Variants in SLC5A11 observed in about 807,000 individuals in gnomAD.
SLC5A11 encodes the protein sodium/myo-inositol cotransporter 2.
A neutral mutation model predicts 69.8 loss-of-function variants in SLC5A11; 48 were observed. The ratio of observed to expected loss-of-function variants is 0.69; its 90% confidence interval spans 0.55 to 0.87. The LOEUF (loss-of-function observed/expected upper bound fraction) is 0.87. SLC5A11 is among the 40% of genes least tolerant of loss of function. SLC5A11 has a pLI of 0.00. For missense variants in SLC5A11, 784 were observed against 866.1 expected, an observed-to-expected ratio of 0.91 and a Z score of 1.19; for synonymous variants, 319 against 342.4, an observed-to-expected ratio of 0.93 and a Z score of 0.75.
chr16:24,858,849 C>A, intron 2 of SLC5A11, 71 bp downstream of exon 3: 1 of 1,516,378 alleles, frequency 6.6e-7, no homozygotes, highest in Admixed American at 2.0e-5. Context: ...CGGAGTTAAC[C>A]TCATCCTTTT....
chr16:24,876,942 TTGAG>T (rs1330756911), intron 6 of SLC5A11: 2 of 330,544 alleles, frequency 6.1e-6, no homozygotes, highest in Non-Finnish European at 8.6e-6. Flanking sequence ...ACTTAAGAGT[TTGAG>T]TGGGGAGGAG....
chr16:24,860,197 G>A (rs947211108), intron 2 of SLC5A11, among the ~76,000 whole-genome samples: 6 of 152,202 alleles, frequency 3.9e-5, no homozygotes, highest in African/African-American at 1.4e-4. Flanking sequence ...TGAGGCAGGA[G>A]AATGGCATGA....
chr16:24,909,500 C>T (rs1166646873), intron 14 of SLC5A11, among the ~76,000 whole-genome samples: 4 of 151,488 alleles, frequency 2.6e-5, no homozygotes, highest in African/African-American at 7.3e-5. Flanking sequence ...ATTAGCAGGG[C>T]GTGATGGCTC....
chr16:24,863,878 A>G (rs1362208822), intron 3 of SLC5A11, among the ~76,000 whole-genome samples: 1 of 151,798 alleles, frequency 6.6e-6, no homozygotes, highest in East Asian at 1.9e-4. Flanking sequence ...CTCTTTCAAA[A>G]CTCCATTCTC....
At chr16:24,908,202 G>A (rs1218606643) in intron 13 of SLC5A11, 71 bp downstream of exon 14, 2 of 1,474,010 alleles carry the variant, frequency 1.4e-6, no homozygotes, top group Non-Finnish European at 1.8e-6. Flanking sequence ...GGATGGGAGG[G>A]GAGGGTGTTG....
At chr16:24,864,178 C>T (rs1050306275) in intron 3 of SLC5A11, among the ~76,000 whole-genome samples, 2 of 152,136 alleles carry the variant, frequency 1.3e-5, no homozygotes, top group African/African-American at 4.8e-5. Flanking sequence ...AGGCCATGTG[C>T]ATAGGCCCAC....
chr16:24,898,818 T>A (rs778437981), intron 10 of SLC5A11, among the ~76,000 whole-genome samples: 5 of 145,364 alleles, frequency 3.4e-5, no homozygotes, highest in Non-Finnish European at 7.6e-5. Context: ...ATGCCTGGCC[T>A]TTTTTGCATT....
At chr16:24,877,321 A>T in exon 7 of SLC5A11, 2 of 1,614,072 alleles carry the variant, frequency 1.2e-6, no homozygotes, top group Non-Finnish European at 1.7e-6. Context: ...GTACCTGGCC[A>T]TAGTTGGGCT....
chr16:24,887,826 A>G (rs929528092), intron 8 of SLC5A11, among the ~76,000 whole-genome samples: 1 of 152,174 alleles, frequency 6.6e-6, no homozygotes, highest in African/African-American at 2.4e-5. Context: ...CAAGTGGCAC[A>G]TATAAAACAA....
chr16:24,883,745 T>C (rs574950702), intron 7 of SLC5A11, among the ~76,000 whole-genome samples: 1 of 152,348 alleles, frequency 6.6e-6, no homozygotes, highest in East Asian at 1.9e-4. Context: ...GGAGAGTAAG[T>C]GCAGAAGCTG....
At chr16:24,906,762 C>T (rs767048981) in exon 11 of SLC5A11, 1 of 1,610,060 alleles carries the variant, frequency 6.2e-7, no homozygotes, top group Admixed American at 1.7e-5. Flanking sequence ...CTCCTGCCCA[C>T]AGGTAATGTC....
intron 8 of SLC5A11, among the ~76,000 whole-genome samples, chr16:24,884,621 C>T (rs2048281339): frequency 1.4e-5 from 2 of 139,648 alleles, no homozygotes; most frequent in African/African-American, 2.7e-5. Context: ...CAAGCTGCCC[C>T]ACCTGGCACT....
chr16:24,901,441 C>G (rs1048232716), intron 10 of SLC5A11, among the ~76,000 whole-genome samples: 2 of 151,750 alleles, frequency 1.3e-5, no homozygotes, highest in Non-Finnish European at 2.9e-5. Context: ...GTGATGAAAC[C>G]TCGTATCTAC....
chr16:24,884,021 T>C (rs1250494125), intron 7 of SLC5A11, 30 bp from the exon 9 acceptor site: 3 of 1,609,230 alleles, frequency 1.9e-6, no homozygotes, highest in African/African-American at 1.3e-5. Context: ...TTAGACTCCC[T>C]GACCCTCACC....
intron 1 of SLC5A11, among the ~76,000 whole-genome samples, chr16:24,851,209 C>G (rs1052575155): frequency 2.6e-5 from 4 of 152,080 alleles, no homozygotes; most frequent in Admixed American, 1.3e-4. Context: ...TAGCTCAATG[C>G]AGTCTCAAAC....
intron 3 of SLC5A11, among the ~76,000 whole-genome samples, chr16:24,866,230 C>G (rs1405122603): frequency 6.6e-6 from 1 of 150,738 alleles, no homozygotes; most frequent in African/African-American, 2.4e-5. Context: ...ACACTCCAAT[C>G]AAAAGGCAGA....
chr16:24,848,626 G>T (rs749917441), intron 1 of SLC5A11, among the ~76,000 whole-genome samples: 2 of 152,070 alleles, frequency 1.3e-5, no homozygotes, highest in Admixed American at 6.6e-5. Flanking sequence ...TAAAAAATTA[G>T]CTAGGCATGT....
intron 3 of SLC5A11, among the ~76,000 whole-genome samples, chr16:24,867,855 G>A (rs2047010540): frequency 6.6e-6 from 1 of 152,090 alleles, no homozygotes. Context: ...AGTAAAGACA[G>A]GCCAAGCACA....
chr16:24,846,658 G>A (rs1412614143), intron 1 of SLC5A11: 1 of 152,600 alleles, frequency 6.6e-6, no homozygotes, highest in African/African-American at 2.4e-5. Flanking sequence ...AGCACCGTAC[G>A]TGGGTCCCAG....
Sources: gnomAD v4.1 joint callset for allele counts (sites outside exome capture counted in the v4.1 genomes callset) on GRCh38, gnomAD v4.1.1 for gene constraint, MANE v1.5 for transcripts, NCBI Gene and HGNC (gene_info 2026-07-23, HGNC 2026-07-21) for gene names.